Variants in PPP6R3 observed in about 807,000 individuals in gnomAD.
The protein encoded by PPP6R3 is protein phosphatase 6 regulatory subunit 3.
A neutral mutation model predicts 110.7 loss-of-function variants in PPP6R3; 38 were observed. The ratio of observed to expected loss-of-function variants is 0.34; its 90% CI spans 0.26 to 0.45. PPP6R3 has a LOEUF of 0.45. PPP6R3 is among the 20% of genes least tolerant of loss of function. PPP6R3 has a pLI of 1.00. For synonymous variants in PPP6R3, 369 were observed against 373.5 expected, an observed-to-expected ratio of 0.99 and a Z score of 0.14; for missense variants, 870 against 1,062.4, an observed-to-expected ratio of 0.82 and a Z score of 2.52.
At chr11:68,583,626 T>G (rs953206859) in intron 15 of PPP6R3, among the ~76,000 whole-genome samples, 3 of 152,234 alleles carry the variant, frequency 2.0e-5, no homozygotes, top group African/African-American at 7.2e-5. Context: ...GCCCCTGAAT[T>G]TATCATCTCC....
chr11:68,604,373 T>G (rs904034685), intron 22 of PPP6R3, among the ~76,000 whole-genome samples: 1 of 152,254 alleles, frequency 6.6e-6, no homozygotes, highest in Non-Finnish European at 1.5e-5. Flanking sequence ...AAGCTGTTCA[T>G]GATTTTCTTT....
intron 8 of PPP6R3, 122 bp downstream of exon 8, chr11:68,558,801 C>T: frequency 4.2e-6 from 3 of 717,806 alleles, no homozygotes; most frequent in Non-Finnish European, 7.0e-6. Flanking sequence ...GATTCTTCTT[C>T]TGCTATATAA....
intron 2 of PPP6R3, among the ~76,000 whole-genome samples, chr11:68,530,305 G>T (rs1308051020): frequency 1.4e-5 from 2 of 148,106 alleles, no homozygotes; most frequent in African/African-American, 5.3e-5. Flanking sequence ...TAGAACTTGG[G>T]CAGCGTGTGC....
In PPP6R3 at chr11:68,575,991, C is replaced by T. The variant is rs373324842; in HGVS notation, c.1493C>T (p.Thr498Met). 41 of 1,611,988 alleles carry T rather than the reference C, an allele frequency of 2.5e-5. No homozygotes were observed. Among genetic ancestry groups the T allele is most frequent in the Admixed American group, 8.4e-5 (5 of 59,806 alleles). Residue 498 changes from threonine to methionine, a missense_variant, in exon 14 of 24, where the codon ACG (threonine) becomes ATG (methionine). Transcript: ENST00000393800. Reference sequence around the variant, plus strand: ...GACGAAGTCAGGGAACGATGGGAGACGTTCTGCACAAGCTCCTTAGGAGAA... The same window carrying T: ...GACGAAGTCAGGGAACGATGGGAGATGTTCTGCACAAGCTCCTTAGGAGAA... ...LPDEVRERWE[T>M]FCTSSLGETN...
chr11:68,483,381 A>T (rs914479987), intron 1 of PPP6R3, among the ~76,000 whole-genome samples: 3 of 152,228 alleles, frequency 2.0e-5, no homozygotes, highest in African/African-American at 7.2e-5. Flanking sequence ...GAGTTCCCAT[A>T]TACTCCTGTC....
At chr11:68,469,401 A>AT (rs543703204) in intron 1 of PPP6R3, among the ~76,000 whole-genome samples, 4 of 151,660 alleles carry the variant, frequency 2.6e-5, no homozygotes, top group Admixed American at 2.6e-4. Flanking sequence ...GTTTTTGTTT[A>AT]TTTTTTTGAG....
At chr11:68,538,539 G>A (rs2099284670) in intron 3 of PPP6R3, among the ~76,000 whole-genome samples, 1 of 152,158 alleles carries the variant, frequency 6.6e-6, no homozygotes, top group South Asian at 2.1e-4. Flanking sequence ...AGAAAATAGA[G>A]CAACTTCAGA....
At chr11:68,604,644 A>G (rs989998620) in intron 22 of PPP6R3, among the ~76,000 whole-genome samples, 16 of 152,264 alleles carry the variant, frequency 1.1e-4, no homozygotes, top group African/African-American at 3.9e-4. Flanking sequence ...ATAAGGATTA[A>G]TAGAAAAGTT....
chr11:68,559,469 C>T (rs2099410982), intron 8 of PPP6R3, among the ~76,000 whole-genome samples: 2 of 152,206 alleles, frequency 1.3e-5, no homozygotes, highest in South Asian at 4.1e-4. Flanking sequence ...ATTCATTAAG[C>T]AAGGGATAGA....
At chr11:68,588,315 A>G (rs557007470) in intron 16 of PPP6R3, among the ~76,000 whole-genome samples, 5 of 152,158 alleles carry the variant, frequency 3.3e-5, no homozygotes, top group East Asian at 3.9e-4. Context: ...CCTGGCCAAC[A>G]TGGTGAAACC....
intron 1 of PPP6R3, among the ~76,000 whole-genome samples, chr11:68,491,558 CA>C (rs1396558025): frequency 5.3e-5 from 8 of 151,880 alleles, no homozygotes; most frequent in Admixed American, 5.2e-4. Context: ...CTGTGTTGCC[CA>C]GGCTGGTCCT....
chr11:68,464,140 T>C (rs983127980), intron 1 of PPP6R3, among the ~76,000 whole-genome samples: 9 of 152,186 alleles, frequency 5.9e-5, no homozygotes, highest in African/African-American at 1.9e-4. Flanking sequence ...GAGAATCTTA[T>C]TAATTTTTTT....
intron 2 of PPP6R3, among the ~76,000 whole-genome samples, chr11:68,521,266 G>A (rs2099162942): frequency 6.6e-6 from 1 of 152,130 alleles, no homozygotes; most frequent in African/African-American, 2.4e-5. Flanking sequence ...AGTATTTTGT[G>A]AGCAAACAGC....
rs201460465 is a variant in PPP6R3 at position 68,502,944 on chromosome 11, T to TTTTGTTTGTTTGTTTG, written c.-157-16542_-157-16541insGTTTGTTTGTTTGTTT. On this transcript the variant is annotated intron_variant, in intron 1 of 23. Coordinates refer to ENST00000393800, the MANE Select transcript of PPP6R3 (RefSeq NM_001164161.2). ...CTTAGTTGTGTTTATGGAGAGGAAT[T>TTTTGTTTGTTTGTTTG]TTTGTTTGTTTGTTTTTGAGACGGA... Among the ~76,000 whole-genome samples the TTTTGTTTGTTTGTTTG allele has an allele frequency of 2.7e-3, 412 of 152,190 alleles. 3 individuals carry two copies. The highest frequency in any genetic ancestry group is 9.5e-3 in the African/African-American group (396 of 41,522).
intron 2 of PPP6R3, among the ~76,000 whole-genome samples, chr11:68,520,869 T>A (rs1473257368): frequency 1.3e-5 from 2 of 152,148 alleles, no homozygotes; most frequent in African/African-American, 4.8e-5. Flanking sequence ...CCTCCCGGGT[T>A]CAAGCGATTA....
In PPP6R3 at chr11:68,614,551, C is replaced by T. The variant is rs1207892861; in HGVS notation, c.*1434C>T. 6.7e-7 allele frequency: 1 copy of T among 1,487,038 alleles called. No homozygotes were observed. Among genetic ancestry groups the T allele is most frequent in the South Asian group, 1.4e-5 (1 of 70,150 alleles). 92.1% of individuals were successfully genotyped at this position (1,487,038 alleles called of 1,614,324 possible). On this transcript the variant is annotated 3_prime_UTR_variant, in exon 24 of 24. Coordinates refer to ENST00000393800, the MANE Select transcript of PPP6R3 (RefSeq NM_001164161.2). ...AGAAGTAGCATCCCAAGCAGCGTGCCTAAACATTACATTGCATATGGAAAT... is the reference window on the plus strand; with the variant it reads ...AGAAGTAGCATCCCAAGCAGCGTGCTTAAACATTACATTGCATATGGAAAT...
intron 1 of PPP6R3, among the ~76,000 whole-genome samples, chr11:68,480,350 A>G (rs1044578246): frequency 2.0e-5 from 3 of 152,282 alleles, no homozygotes; most frequent in Admixed American, 1.3e-4. Context: ...CCCTCAGTAC[A>G]TTTGTAGTCA....
At chr11:68,593,517 T>C (rs2099601999) in intron 18 of PPP6R3, among the ~76,000 whole-genome samples, 1 of 152,246 alleles carries the variant, frequency 6.6e-6, no homozygotes, top group Non-Finnish European at 1.5e-5. Context: ...AGGTGCATAC[T>C]GTAAACCCTA....
chr11:68,491,129 G>T (rs767206328), intron 1 of PPP6R3, among the ~76,000 whole-genome samples: 2 of 152,084 alleles, frequency 1.3e-5, no homozygotes, highest in Non-Finnish European at 2.9e-5. Flanking sequence ...TGAGGCTGCA[G>T]TGAGCCTTGT....
Sources: gnomAD v4.1 joint callset for allele counts (sites outside exome capture counted in the v4.1 genomes callset) on GRCh38, gnomAD v4.1.1 for gene constraint, MANE v1.5 for transcripts, NCBI Gene and HGNC (gene_info 2026-07-23, HGNC 2026-07-21) for gene names.